DCTN4: variants seen among roughly 807,000 people sequenced by gnomAD.
The protein encoded by DCTN4 is dynactin subunit 4, also known as dynactin 4 (p62).
In DCTN4, 23 loss-of-function variants were observed where a neutral mutation model predicts 62.7. The observed-to-expected ratio is 0.37, with a 90% CI of 0.26 to 0.52. The LOEUF (loss-of-function observed/expected upper bound fraction) is 0.52. Ranked by LOEUF, DCTN4 falls within the 20% of genes least tolerant of loss-of-function variation. The pLI is 0.92. For missense variants in DCTN4, 514 were observed against 580.4 expected (o/e 0.89, Z 1.18); for synonymous variants, 199 against 202.1 (o/e 0.98, Z 0.13).
intron 8 of DCTN4, 54 bp from the exon 9 acceptor site, chr5:150,723,034 A>G: frequency 7.6e-7 from 1 of 1,310,154 alleles, no homozygotes; most frequent in Non-Finnish European, 1.1e-6. Flanking sequence ...CACTTTGTTG[A>G]TCCATAGAGC....
At chr5:150,716,692 G>C (rs562054529) in intron 11 of DCTN4, among the ~76,000 whole-genome samples, 1 of 152,226 alleles carries the variant, frequency 6.6e-6, no homozygotes, top group African/African-American at 2.4e-5. Flanking sequence ...GCCCGAGGAA[G>C]GTGGATCACA....
intron 3 of DCTN4, among the ~76,000 whole-genome samples, chr5:150,751,634 C>A (rs750949581): frequency 1.3e-5 from 2 of 152,278 alleles, no homozygotes; most frequent in South Asian, 4.1e-4. Context: ...TAAATACTTA[C>A]TGGCAATTTT....
intron 9 of DCTN4, among the ~76,000 whole-genome samples, chr5:150,720,481 ATT>A (rs57503750): frequency 3.5e-4 from 49 of 139,248 alleles, no homozygotes; most frequent in Admixed American, 3.6e-4. Context: ...AGAGCTCTGT[ATT>A]TTTTTTTTTT....
chr5:150,711,436 T>A, intron 12 of DCTN4, 74 bp from the exon 13 acceptor site: 1 of 1,156,734 alleles, frequency 8.6e-7, no homozygotes, highest in Non-Finnish European at 1.3e-6. Context: ...ACAGTAAAAG[T>A]CTTTCACCTT....
At position 150,710,910 on chromosome 5, in the gene DCTN4, G is replaced by A. The variant is rs1391713268; in HGVS notation, c.*239C>T. 3 of 528,272 alleles carry A rather than the reference G, an allele frequency of 5.7e-6. No homozygotes were observed. Among genetic ancestry groups the A allele is most frequent in the African/African-American group, 1.9e-5 (1 of 52,370 alleles). The allele number at this position is 528,272 out of a possible 1,614,324, so 32.7% of individuals were successfully genotyped here. A position where few individuals can be genotyped will look rare whatever the true frequency, so the allele number is the denominator to read the frequency against. ...TGGAATTATGCTGCTGTTACTCAAC[G>A]TGCAGGGTTCAGTGAGGGAGACACA... On this transcript the variant is annotated 3_prime_UTR_variant, in exon 13 of 13. Coordinates refer to ENST00000447998, the MANE Select transcript of DCTN4 (RefSeq NM_016221.4).
chr5:150,711,948 A>G (rs781469654), intron 12 of DCTN4, among the ~76,000 whole-genome samples: 2 of 152,112 alleles, frequency 1.3e-5, no homozygotes, highest in African/African-American at 2.4e-5. Flanking sequence ...TATACAGATC[A>G]TCTACAATCT....
At chr5:150,747,741 A>G (rs1218949113) in intron 3 of DCTN4, among the ~76,000 whole-genome samples, 40 of 150,084 alleles carry the variant, frequency 2.7e-4, no homozygotes, top group African/African-American at 9.4e-4. Context: ...AGCCATATGT[A>G]GAAAGCTGAA....
intron 9 of DCTN4, among the ~76,000 whole-genome samples, chr5:150,721,231 A>C (rs1759946718): frequency 6.6e-6 from 1 of 152,156 alleles, no homozygotes; most frequent in Non-Finnish European, 1.5e-5. Context: ...TTGCTGCATA[A>C]TATTCTACAG....
chr5:150,730,680 A>G lies in DCTN4; in HGVS notation c.785T>C (p.Leu262Pro). The change falls in exon 8 of 13, where the codon CTC becomes CCC. Residue 262 changes from leucine (L) to proline (P), a missense_variant. Leu to Pro is a moderately conservative substitution (Grantham distance 98). Transcript: ENST00000447998. ...CAGAAGATGTTTGTGGCGAGGATAG[A>G]GCTGTGAAGCACAGACTGGCTGGAA... Reference protein sequence around the residue: ...PDFQPVCASQLYPRHKHLLIK... With the variant: ...PDFQPVCASQPYPRHKHLLIK... The G allele has an allele frequency of 6.2e-7, 1 of 1,614,124 alleles. No individual in the cohort carries two copies.
intron 12 of DCTN4, among the ~76,000 whole-genome samples, chr5:150,713,387 C>T (rs1041369469): frequency 3.0e-4 from 46 of 151,534 alleles, no homozygotes; most frequent in Middle Eastern, 3.4e-3. Context: ...AGTTAACCCA[C>T]GTTTGGTATC....
chr5:150,729,144 C>G (rs749664153), intron 8 of DCTN4, among the ~76,000 whole-genome samples: 3 of 145,332 alleles, frequency 2.1e-5, no homozygotes, highest in Non-Finnish European at 4.4e-5. Flanking sequence ...ATCTTCCTGC[C>G]TTGGCCTCTC....
intron 3 of DCTN4, among the ~76,000 whole-genome samples, chr5:150,752,213 A>C (rs930598853): frequency 2.0e-5 from 3 of 152,156 alleles, no homozygotes; most frequent in Non-Finnish European, 4.4e-5. Context: ...GCAACTCAAG[A>C]TTTTGAACTG....
chr5:150,755,901 T>C (rs1752841982), intron 2 of DCTN4, among the ~76,000 whole-genome samples: 3 of 152,212 alleles, frequency 2.0e-5, no homozygotes, highest in South Asian at 4.1e-4. Flanking sequence ...CTCTCCATAC[T>C]ATCTTCACCA....
intron 12 of DCTN4, among the ~76,000 whole-genome samples, chr5:150,713,446 T>TC (rs1491363657): frequency 1.6e-5 from 2 of 126,882 alleles, no homozygotes; most frequent in East Asian, 4.1e-4. Flanking sequence ...TTTTCTTTTC[T>TC]TTTTTTTTTT....
chr5:150,710,909 C>T lies in DCTN4; in HGVS notation c.*240G>A, dbSNP rs938022047. ...ATGGAATTATGCTGCTGTTACTCAA[C>T]GTGCAGGGTTCAGTGAGGGAGACAC... On this transcript the variant is annotated 3_prime_UTR_variant, in exon 13 of 13. Transcript: ENST00000447998. 1.7e-5 allele frequency: 9 copies of T among 524,542 alleles called. No homozygotes were observed. Among genetic ancestry groups the T allele is most frequent in the African/African-American group, 9.6e-5 (5 of 52,286 alleles). 32.5% of individuals were successfully genotyped at this position (524,542 alleles called of 1,614,324 possible).
chr5:150,727,425 T>A (rs902812243), intron 8 of DCTN4, among the ~76,000 whole-genome samples: 3 of 152,142 alleles, frequency 2.0e-5, no homozygotes, highest in Admixed American at 1.3e-4. Context: ...TAAAATTATT[T>A]TTTTCTACTT....
In DCTN4 at chr5:150,726,420, A is replaced by G. The variant is rs1198119217; in HGVS notation, c.835-3440T>C. 3.3e-5 allele frequency among the ~76,000 whole-genome samples: 5 copies of G among 152,264 alleles called. No individual in the cohort carries two copies. In the South Asian group the frequency reaches 8.3e-4, roughly 25 times the overall value. On this transcript the variant is annotated intron_variant, in intron 8 of 12. Transcript: ENST00000447998. The stretch of plus-strand genomic sequence containing the variant: ...GAAGAGATATTGTGTAGTTTAAAAC[A>G]TATTAGTTTGTATAAAATAACTTCT...
Position 150,720,263 on chromosome 5 carries a change from T to C in DCTN4, c.909-493A>G, listed in dbSNP as rs925696159. On this transcript the variant is annotated intron_variant, in intron 9 of 12. Coordinates refer to ENST00000447998, the MANE Select transcript of DCTN4 (RefSeq NM_016221.4). ...CATTAAAAGTGGGGGAAAAAGTACATCTTAGAATCAGATATTTAAACTTTA... is the reference window on the plus strand; with the variant it reads ...CATTAAAAGTGGGGGAAAAAGTACACCTTAGAATCAGATATTTAAACTTTA... Among the ~76,000 whole-genome samples, 5 of 152,280 alleles carry C rather than the reference T, an allele frequency of 3.3e-5. No individual in the cohort carries two copies. In the South Asian group the frequency reaches 1.0e-3, roughly 32 times the overall value.
At chr5:150,713,658 G>T (rs1276975804) in intron 12 of DCTN4, among the ~76,000 whole-genome samples, 2 of 150,544 alleles carry the variant, frequency 1.3e-5, no homozygotes, top group African/African-American at 4.9e-5. Context: ...TGGCCAGGCT[G>T]GTCTCAAACT....
Sources: gnomAD v4.1 joint callset for allele counts (sites outside exome capture counted in the v4.1 genomes callset) on GRCh38, gnomAD v4.1.1 for gene constraint, MANE v1.5 for transcripts, NCBI Gene and HGNC (gene_info 2026-07-23, HGNC 2026-07-21) for gene names.